DYNLT2: variants seen among roughly 807,000 people sequenced by gnomAD.
DYNLT2 encodes the protein dynein light chain Tctex-type 2.
DYNLT2 carries 24 observed loss-of-function variants against 24.3 expected under a neutral mutation model. That is an observed-to-expected ratio of 0.99 (90% CI 0.71 to 1.39). The LOEUF (loss-of-function observed/expected upper bound fraction) is 1.39. Among genes scored for constraint, DYNLT2 ranks in the 40% most tolerant of loss-of-function variants. The pLI, the probability that DYNLT2 is intolerant of heterozygous loss-of-function variation, is 0.00. For synonymous variants in DYNLT2, 85 were observed against 85.4 expected (o/e 1.00, Z 0.03); for missense variants, 246 against 234.5 (o/e 1.05, Z -0.32).
chr6:169,725,363 G>A, the DYNLT2 span: 1 of 398,572 alleles, frequency 2.5e-6, no homozygotes, highest in Non-Finnish European at 4.4e-6. Flanking sequence ...GATTATTCTA[G>A]CGCGTCACAT....
chr6:169,727,030 CT>C, the DYNLT2 span, among the ~76,000 whole-genome samples: 1 of 152,174 alleles, frequency 6.6e-6, no homozygotes, highest in Non-Finnish European at 1.5e-5. Context: ...GTACTGTAAA[CT>C]GAAAGGAGAG....
the DYNLT2 span, chr6:169,725,178 C>A: frequency 1.5e-5 from 6 of 398,746 alleles, no homozygotes; most frequent in Admixed American, 2.6e-4. Flanking sequence ...AGGAGCCAAG[C>A]CTGGGTCCGG....
intron 2 of DYNLT2, among the ~76,000 whole-genome samples, chr6:169,743,582 C>G (rs1789727223): frequency 6.6e-6 from 1 of 152,106 alleles, no homozygotes; most frequent in African/African-American, 2.4e-5. Context: ...AGGAAAGAAA[C>G]CTTTTTAAAT....
chr6:169,727,203 T>C, the DYNLT2 span, among the ~76,000 whole-genome samples: 388 of 152,274 alleles, frequency 2.5e-3, 2 homozygotes, highest in Non-Finnish European at 4.5e-3. Context: ...TAAAGCAGAT[T>C]AAGGGAGGAA....
chr6:169,750,612 C>A (rs1789974906), intron 1 of DYNLT2: 1 of 152,128 alleles, frequency 6.6e-6, no homozygotes, highest in Non-Finnish European at 1.5e-5. Flanking sequence ...CCAATTGGAC[C>A]GAGTACTAGC....
At chr6:169,726,341 T>C in the DYNLT2 span, among the ~76,000 whole-genome samples, 21 of 151,646 alleles carry the variant, frequency 1.4e-4, no homozygotes, top group Non-Finnish European at 3.1e-4. Flanking sequence ...TACTACCAAC[T>C]AAAAAAAATG....
chr6:169,740,282 C>T lies in DYNLT2; in HGVS notation c.500G>A (p.Trp167Ter), dbSNP rs758695774. 1 of 1,612,270 alleles carries T rather than the reference C, an allele frequency of 6.2e-7. No individual in the cohort carries two copies. Among genetic ancestry groups the T allele is most frequent in the Non-Finnish European group, 8.5e-7 (1 of 1,178,674 alleles). ...TGQAINIASR[W>*]IWDIAWDSWV... ...GCTGTCCCATGCAATGTCCCAGATC[C>T]ATCTGCTGGCAATCTGTGAGAGAAA... Residue 167 changes from tryptophan (W) to a stop codon, truncating the protein, a stop_gained, in exon 4 of 4, where the codon TGG (tryptophan) becomes TAG (stop). Transcript: ENST00000366774. LOFTEE classifies it high-confidence loss of function.
the DYNLT2 span, chr6:169,725,622 A>G: frequency 3.5e-6 from 1 of 287,992 alleles, no homozygotes; most frequent in African/African-American, 2.2e-5. Context: ...TGATCAGGGT[A>G]GAGTTTAGCG....
downstream of DYNLT2, among the ~76,000 whole-genome samples, chr6:169,735,674 G>C (rs76983080): frequency 6.6e-6 from 1 of 152,090 alleles, no homozygotes; most frequent in Non-Finnish European, 1.5e-5. Flanking sequence ...CAGTTCTTTT[G>C]CATTTGCTGA....
At chr6:169,726,864 G>A in the DYNLT2 span, among the ~76,000 whole-genome samples, 11 of 152,106 alleles carry the variant, frequency 7.2e-5, no homozygotes, top group Non-Finnish European at 1.5e-4. Flanking sequence ...GTTAGGCCCT[G>A]GAAATACTGA....
chr6:169,747,416 C>A (rs894595268), intron 1 of DYNLT2, among the ~76,000 whole-genome samples: 1 of 151,804 alleles, frequency 6.6e-6, no homozygotes, highest in Admixed American at 6.6e-5. Context: ...TCTCTCACCT[C>A]TTTGGGGACT....
the DYNLT2 span, among the ~76,000 whole-genome samples, chr6:169,730,377 G>C: frequency 6.6e-6 from 1 of 152,178 alleles, no homozygotes; most frequent in South Asian, 2.1e-4. Context: ...TATTCAGATA[G>C]CATACATTTT....
chr6:169,736,564 C>T (rs1042899539), downstream of DYNLT2, among the ~76,000 whole-genome samples: 3 of 152,162 alleles, frequency 2.0e-5, no homozygotes, highest in East Asian at 3.8e-4. Context: ...ATTTCTCCTT[C>T]GCTTATGAAG....
intron 1 of DYNLT2, chr6:169,750,057 A>G (rs1562999616): frequency 6.6e-6 from 1 of 152,202 alleles, no homozygotes; most frequent in Non-Finnish European, 1.5e-5. Context: ...GATCACATCC[A>G]TATCAAATAC....
intron 1 of DYNLT2, 23 bp downstream of exon 1, chr6:169,751,315 GC>G: frequency 1.9e-6 from 3 of 1,606,998 alleles, no homozygotes; most frequent in Non-Finnish European, 2.6e-6. Flanking sequence ...GCCGTCTCGG[GC>G]CCCTAGCAGT....
At chr6:169,749,038 A>G (rs1789879168) in intron 1 of DYNLT2, among the ~76,000 whole-genome samples, 2 of 152,194 alleles carry the variant, frequency 1.3e-5, no homozygotes, top group Admixed American at 6.5e-5. Context: ...GCCCTAAAAT[A>G]AAATGAGCTT....
At chr6:169,745,101 G>T (rs71574972) in intron 1 of DYNLT2, among the ~76,000 whole-genome samples, 6,842 of 145,316 alleles carry the variant, frequency 0.047, 177 homozygotes, top group Non-Finnish European at 0.069. Flanking sequence ...TTTTTTGTTT[G>T]TTTTTTTTTT....
At chr6:169,742,259 A>G (rs969808961) in intron 3 of DYNLT2, among the ~76,000 whole-genome samples, 1 of 152,234 alleles carries the variant, frequency 6.6e-6, no homozygotes, top group African/African-American at 2.4e-5. Flanking sequence ...CAGTTTTATC[A>G]TCACCATTTT....
At chr6:169,729,105 G>A in the DYNLT2 span, among the ~76,000 whole-genome samples, 891 of 152,180 alleles carry the variant, frequency 5.9e-3, 4 homozygotes, top group African/African-American at 0.02. Context: ...CACTTCACCC[G>A]AATGCTAGCC....
Sources: allele counts gnomAD v4.1 joint callset (sites outside exome capture counted in the v4.1 genomes callset), GRCh38; gene constraint gnomAD v4.1.1; transcripts MANE v1.5; gene names NCBI Gene and HGNC (gene_info 2026-07-23, HGNC 2026-07-21).